Variants in AKT3 observed in about 807,000 individuals in gnomAD.
The protein encoded by AKT3 is AKT serine/threonine kinase 3.
AKT3 carries 15 observed loss-of-function variants against 65.3 expected under a neutral mutation model. That is an observed-to-expected ratio of 0.23 (90% CI 0.15 to 0.35). AKT3 has a LOEUF of 0.35. Among genes scored for constraint, AKT3 ranks in the 10% least tolerant of loss-of-function variants. The pLI is 1.00. For synonymous variants in AKT3, 206 were observed against 183.8 expected (o/e 1.12, Z -0.98); for missense variants, 243 against 576.5 (o/e 0.42, Z 5.92).
At chr1:243,843,505 T>G in intron 1 of AKT3, 1 of 1,084,388 alleles carries the variant, frequency 9.2e-7, no homozygotes, top group Non-Finnish European at 1.1e-6. Flanking sequence ...ACCTAAGAGG[T>G]TGCAACAAAA....
chr1:243,643,978 C>T (rs192707761), intron 5 of AKT3, among the ~76,000 whole-genome samples: 3 of 152,162 alleles, frequency 2.0e-5, no homozygotes, highest in East Asian at 1.9e-4. Context: ...TCATTAGGAC[C>T]GTTATGGAGT....
At chr1:243,591,319 TA>T (rs1218798659) in intron 8 of AKT3, among the ~76,000 whole-genome samples, 5 of 152,202 alleles carry the variant, frequency 3.3e-5, no homozygotes, top group Non-Finnish European at 5.9e-5. Context: ...AACAGAGTTT[TA>T]AAAAAATACT....
At chr1:243,707,913 TG>T (rs1167269051) in intron 2 of AKT3, among the ~76,000 whole-genome samples, 3 of 152,122 alleles carry the variant, frequency 2.0e-5, no homozygotes, top group African/African-American at 7.2e-5. Context: ...AAATTACTCT[TG>T]ATTCATATTA....
At chr1:243,634,906 G>T (rs320330) in intron 6 of AKT3, among the ~76,000 whole-genome samples, 122,042 of 151,764 alleles carry the variant, frequency 0.8, 49,213 homozygotes, top group Non-Finnish European at 0.84. Context: ...CAGAAAGAAA[G>T]AAGTAAGGCA....
chr1:243,714,146 G>T (rs759137693), intron 2 of AKT3, among the ~76,000 whole-genome samples: 2 of 152,112 alleles, frequency 1.3e-5, no homozygotes, highest in African/African-American at 4.8e-5. Flanking sequence ...TGAAATGCAC[G>T]CTAACAGTCA....
chr1:243,539,966 C>T (rs1672199725), intron 12 of AKT3, among the ~76,000 whole-genome samples: 1 of 152,060 alleles, frequency 6.6e-6, no homozygotes, highest in Non-Finnish European at 1.5e-5. Context: ...CCAACAAAGA[C>T]AAAACTCCAG....
intron 2 of AKT3, among the ~76,000 whole-genome samples, chr1:243,719,373 C>T (rs963839000): frequency 6.6e-6 from 1 of 152,112 alleles, no homozygotes; most frequent in Non-Finnish European, 1.5e-5. Context: ...ATCTTTTATT[C>T]ATCTCATCGA....
chr1:243,531,123 T>TC (rs1300895860), intron 12 of AKT3, among the ~76,000 whole-genome samples: 1 of 152,180 alleles, frequency 6.6e-6, no homozygotes. Flanking sequence ...GAGGCCTCGT[T>TC]CTGTCACCCA....
At chr1:243,605,503 C>G (rs1295765890) in intron 8 of AKT3, among the ~76,000 whole-genome samples, 1 of 152,188 alleles carries the variant, frequency 6.6e-6, no homozygotes, top group Non-Finnish European at 1.5e-5. Flanking sequence ...TAAGGTCACT[C>G]TGTAAATACA....
intron 8 of AKT3, chr1:243,613,174 C>A (rs553711308): frequency 2.0e-5 from 2 of 98,550 alleles, no homozygotes; most frequent in East Asian, 5.4e-4. Context: ...TATATATACA[C>A]CCTCATATAT....
chr1:243,719,725 C>T (rs1686754831), intron 2 of AKT3, among the ~76,000 whole-genome samples: 1 of 152,084 alleles, frequency 6.6e-6, no homozygotes, highest in South Asian at 2.1e-4. Context: ...TGACTGCCAT[C>T]AGAAGGGAAG....
intron 2 of AKT3, among the ~76,000 whole-genome samples, chr1:243,767,645 A>T (rs1215667850): frequency 1.3e-5 from 2 of 152,132 alleles, no homozygotes; most frequent in East Asian, 3.8e-4. Context: ...ATTTAGAGAT[A>T]AAAAATTTAC....
chr1:243,491,811 G>C (rs1176834797), intron 13 of AKT3, among the ~76,000 whole-genome samples: 1 of 152,184 alleles, frequency 6.6e-6, no homozygotes, highest in Admixed American at 6.5e-5. Context: ...TCCAGATCTT[G>C]GGCAGCTGAG....
Position 243,563,729 on chromosome 1 carries a change from C to T in AKT3, c.939G>A (p.Leu313=). 1 of 1,602,940 alleles carries T rather than the reference C, an allele frequency of 6.2e-7. No individual in the cohort carries two copies. Among genetic ancestry groups the T allele is most frequent in the Non-Finnish European group, 8.5e-7 (1 of 1,176,314 alleles). ...TGGAACCGAAGCCTACCTCTGGTGCCAGATATTCTGGAGTGCCACAGAATG... is the reference window on the plus strand; with the variant it reads ...TGGAACCGAAGCCTACCTCTGGTGCTAGATATTCTGGAGTGCCACAGAATG... The part of the protein sequence containing the change: ...MKTFCGTPEY[L]APEVLEDNDY... The change falls in exon 10 of 14, where the codon CTG becomes CTA. Residue 313 remains leucine, a synonymous_variant. Transcript: ENST00000673466.
intron 4 of AKT3, among the ~76,000 whole-genome samples, chr1:243,660,031 AT>A (rs1179674734): frequency 5.7e-4 from 87 of 151,754 alleles, no homozygotes; most frequent in African/African-American, 2.0e-3. Flanking sequence ...TTTTCTATTG[AT>A]TGGAATAGTT....
chr1:243,775,091 G>C (rs1261320740), intron 2 of AKT3, among the ~76,000 whole-genome samples: 1 of 151,944 alleles, frequency 6.6e-6, no homozygotes, highest in East Asian at 1.9e-4. Context: ...TCACACTTCT[G>C]AACTCAAGCA....
chr1:243,720,091 T>C (rs1686782658), intron 2 of AKT3, among the ~76,000 whole-genome samples: 1 of 152,084 alleles, frequency 6.6e-6, no homozygotes, highest in Admixed American at 6.6e-5. Context: ...GGTGGGCAGA[T>C]CACCTGAGAT....
intron 13 of AKT3, among the ~76,000 whole-genome samples, chr1:243,509,384 C>G (rs1174260293): frequency 6.6e-6 from 1 of 152,044 alleles, no homozygotes; most frequent in Non-Finnish European, 1.5e-5. Context: ...AGGACAAGTG[C>G]CCCGCGGGTG....
intron 10 of AKT3, among the ~76,000 whole-genome samples, chr1:243,556,945 T>A (rs552494039): frequency 2.4e-4 from 36 of 152,166 alleles, no homozygotes; most frequent in Non-Finnish European, 4.6e-4. Context: ...TTATAACTAT[T>A]TCTCAACTGC....
Sources: allele counts gnomAD v4.1 joint callset (sites outside exome capture counted in the v4.1 genomes callset), GRCh38; gene constraint gnomAD v4.1.1; transcripts MANE v1.5; gene names NCBI Gene and HGNC (gene_info 2026-07-23, HGNC 2026-07-21).